Variants in LINGO1 observed in about 807,000 individuals in gnomAD.
The protein encoded by LINGO1 is leucine-rich repeat and immunoglobulin-like domain-containing nogo receptor-interacting protein 1.
A neutral mutation model predicts 37.3 loss-of-function variants in LINGO1; 11 were observed. The ratio of observed to expected loss-of-function variants is 0.29; its 90% CI spans 0.19 to 0.49. LINGO1 has a LOEUF of 0.49. Among genes scored for constraint, LINGO1 ranks in the 20% least tolerant of loss-of-function variants. LINGO1 has a pLI of 0.99. For synonymous variants in LINGO1, 387 were observed against 403.0 expected, an observed-to-expected ratio of 0.96 and a Z score of 0.48; for missense variants, 585 against 878.2, an observed-to-expected ratio of 0.67 and a Z score of 4.22.
upstream of LINGO1, among the ~76,000 whole-genome samples, chr15:77,633,213 C>T (rs961914126): frequency 6.6e-6 from 1 of 152,082 alleles, no homozygotes. Context: ...AGTCCCGGGC[C>T]AGCCGGGTGT....
At chr15:77,687,940 G>A (rs765122940) in intron 2 of LINGO1, among the ~76,000 whole-genome samples, 3 of 152,132 alleles carry the variant, frequency 2.0e-5, no homozygotes, top group Non-Finnish European at 4.4e-5. Flanking sequence ...TACCACCATC[G>A]GGCTTCAGTT....
intron 1 of LINGO1, among the ~76,000 whole-genome samples, chr15:77,776,636 T>C (rs762996243): frequency 3.9e-5 from 6 of 152,034 alleles, no homozygotes; most frequent in African/African-American, 1.5e-4. Context: ...ATGTCCTCCA[T>C]GGCTGTGCAG....
intron 1 of LINGO1, among the ~76,000 whole-genome samples, chr15:77,818,450 A>G (rs150772004): frequency 9.8e-5 from 15 of 152,320 alleles, no homozygotes; most frequent in African/African-American, 3.6e-4. Context: ...ACCTCAATGT[A>G]GAGTGAGGCA....
intron 2 of LINGO1, among the ~76,000 whole-genome samples, chr15:77,714,871 C>T (rs4076457): frequency 0.19 from 28,688 of 152,270 alleles, 3,087 homozygotes; most frequent in Middle Eastern, 0.28. Context: ...CATTTCCCCA[C>T]GTCTTGGCTG....
upstream of LINGO1, chr15:77,788,422 C>A (rs905047703): frequency 3.3e-5 from 5 of 152,206 alleles, no homozygotes; most frequent in Admixed American, 2.0e-4. Flanking sequence ...GAGACTGAGA[C>A]CCAAAGGCCT....
In LINGO1 at chr15:77,728,609, C is replaced by T. The variant is rs112134034; in HGVS notation, c.-195+6383G>A. Among the ~76,000 whole-genome samples, 22 of 152,336 alleles carry T rather than the reference C, an allele frequency of 1.4e-4. 1 individual carries two copies. The highest frequency in any genetic ancestry group is 4.8e-4 in the African/African-American group (20 of 41,574). On this transcript the variant is annotated intron_variant, in intron 2 of 3. Coordinates refer to the LINGO1 transcript ENST00000561686. ...ATCCACTCCCTCCTAGCTGTGTGACCTCAGGCAGGCCTCCTTGTCTCTGGG... is the reference window on the plus strand; with the variant it reads ...ATCCACTCCCTCCTAGCTGTGTGACTTCAGGCAGGCCTCCTTGTCTCTGGG...
intron 1 of LINGO1, among the ~76,000 whole-genome samples, chr15:77,626,929 A>G (rs557927600): frequency 6.6e-6 from 1 of 151,922 alleles, no homozygotes; most frequent in East Asian, 1.9e-4. Context: ...CATCCAAGTA[A>G]AGGGACTTGA....
At chr15:77,716,048 G>T (rs778184670) in intron 2 of LINGO1, among the ~76,000 whole-genome samples, 5 of 152,174 alleles carry the variant, frequency 3.3e-5, no homozygotes, top group Non-Finnish European at 5.9e-5. Context: ...CTTAACAGGC[G>T]ACCAGCTCAT....
intron 2 of LINGO1, among the ~76,000 whole-genome samples, chr15:77,680,536 C>T (rs2075396903): frequency 6.6e-6 from 1 of 152,128 alleles, no homozygotes. Context: ...TCAAGAGTTC[C>T]CTATCCACGA....
chr15:77,810,315 C>T (rs554225250), intron 1 of LINGO1, among the ~76,000 whole-genome samples: 41 of 151,680 alleles, frequency 2.7e-4, no homozygotes, highest in Middle Eastern at 6.8e-3. Flanking sequence ...TAGGCTCACA[C>T]ACACACATAC....
intron 1 of LINGO1, among the ~76,000 whole-genome samples, chr15:77,816,602 T>G (rs970358854): frequency 3.3e-5 from 5 of 152,122 alleles, no homozygotes; most frequent in Admixed American, 6.5e-5. Flanking sequence ...CACTGCTCCC[T>G]CCCAGTCAGG....
At chr15:77,660,588 C>T (rs1332357803) in intron 3 of LINGO1, among the ~76,000 whole-genome samples, 1 of 152,242 alleles carries the variant, frequency 6.6e-6, no homozygotes, top group African/African-American at 2.4e-5. Context: ...AGAAGTTTGC[C>T]TCTTGCTCCC....
chr15:77,817,735 C>T (rs1162377803), intron 1 of LINGO1, among the ~76,000 whole-genome samples: 1 of 152,202 alleles, frequency 6.6e-6, no homozygotes, highest in African/African-American at 2.4e-5. Context: ...CTCCATGCCT[C>T]ACCAAAGACC....
rs188286029 is a variant in LINGO1 at position 77,704,563 on chromosome 15, T to C, written c.-194-13662A>G. Among the ~76,000 whole-genome samples, 4 of 149,032 alleles carry C rather than the reference T, an allele frequency of 2.7e-5. No homozygotes were observed. The East Asian group carries it at 6.0e-4, about 22-fold the overall frequency. On this transcript the variant is annotated intron_variant, in intron 2 of 3. Coordinates refer to the LINGO1 transcript ENST00000561686. ...GCCACACACTGAGCCCCAACCCTGG[T>C]CACACACTGAGCTCTGACCCTGGTC...
At chr15:77,746,003 A>C (rs2076310661) in intron 1 of LINGO1, among the ~76,000 whole-genome samples, 2 of 151,902 alleles carry the variant, frequency 1.3e-5, no homozygotes, top group South Asian at 4.2e-4. Flanking sequence ...GCTCCCCAGG[A>C]GTTCAAGACC....
intron 3 of LINGO1, among the ~76,000 whole-genome samples, chr15:77,674,813 G>A (rs1246889102): frequency 6.6e-6 from 1 of 151,670 alleles, no homozygotes; most frequent in Non-Finnish European, 1.5e-5. Flanking sequence ...CCATACGCAT[G>A]CTGTATTTTT....
intron 3 of LINGO1, among the ~76,000 whole-genome samples, chr15:77,641,442 C>T (rs1366797394): frequency 6.6e-6 from 1 of 152,216 alleles, no homozygotes; most frequent in African/African-American, 2.4e-5. Context: ...CTGCATCACC[C>T]CGGCCCGTCT....
intron 1 of LINGO1, among the ~76,000 whole-genome samples, chr15:77,619,647 A>T (rs866216552): frequency 1.4e-4 from 22 of 152,112 alleles, no homozygotes; most frequent in African/African-American, 3.1e-4. Context: ...TGATTGTGCC[A>T]CTGCATTCCA....
chr15:77,814,073 C>G (rs1207177244), intron 1 of LINGO1, among the ~76,000 whole-genome samples: 1 of 152,180 alleles, frequency 6.6e-6, no homozygotes, highest in Non-Finnish European at 1.5e-5. Flanking sequence ...TTGAGCATCC[C>G]TCATTCCAGC....
Sources: allele counts gnomAD v4.1 joint callset (sites outside exome capture counted in the v4.1 genomes callset), GRCh38; gene constraint gnomAD v4.1.1; transcripts MANE v1.5; gene names NCBI Gene and HGNC (gene_info 2026-07-23, HGNC 2026-07-21).